Variants in NFE2L1 observed in about 807,000 individuals in gnomAD.
NFE2L1 encodes NFE2 like bZIP transcription factor 1.
NFE2L1 carries 18 observed loss-of-function variants against 61.6 expected under a neutral mutation model. The ratio of observed to expected loss-of-function variants is 0.29; its 90% CI spans 0.20 to 0.43. The LOEUF (loss-of-function observed/expected upper bound fraction) is 0.43, where lower values mean the gene tolerates loss of function less well. Among genes scored for constraint, NFE2L1 ranks in the 20% least tolerant of loss-of-function variants. NFE2L1 has a pLI of 1.00. For missense variants in NFE2L1, 827 were observed against 973.5 expected (o/e 0.85, Z 2.00); for synonymous variants, 419 against 402.7 (o/e 1.04, Z -0.48).
rs747025612 is a variant in NFE2L1, at chr17:48,058,353, C to G, written c.1031C>G (p.Pro344Arg). 1 of 1,613,744 alleles carries G rather than the reference C, an allele frequency of 6.2e-7. No homozygotes were observed. Among genetic ancestry groups the G allele is most frequent in the Non-Finnish European group, 8.5e-7 (1 of 1,179,888 alleles). ...EILYSAPPGD[P>R]LSTNYSLAPN... ...CTGTACAGTGCCCCTCCTGGAGACC[C>G]ACTGAGCACCAACTACAGCCTTGCC... Residue 344 changes from proline to arginine, a missense_variant, in exon 6 of 6, where the codon CCA (proline) becomes CGA (arginine). Around this residue, in one of 3 missense-constraint regions of NFE2L1, gnomAD observed 667 missense variants for 748.4 expected, o/e 0.89. Coordinates refer to ENST00000362042, the MANE Select transcript of NFE2L1 (RefSeq NM_003204.3).
chr17:48,050,132 G>T (rs2037211498), intron 1 of NFE2L1, among the ~76,000 whole-genome samples: 1 of 152,180 alleles, frequency 6.6e-6, no homozygotes, highest in South Asian at 2.1e-4. Context: ...ATGATCGGTT[G>T]CTATATTTTG....
Position 48,058,809 on chromosome 17 carries a change from GTTCTTCCTC to G in NFE2L1, c.1497_1505del (p.Ser507_Ser509del), listed in dbSNP as rs771198699. 2.0e-5 allele frequency: 32 copies of G among 1,614,114 alleles called. No individual in the cohort carries two copies. The highest frequency in any genetic ancestry group is 2.4e-5 in the Non-Finnish European group (28 of 1,180,026). Reference sequence around the variant, plus strand: ...TCTTCCCTAAGCAGCTCTGAAGGCAGTTCTTCCTCTTCTTCCTCCTCCTCTTCCTCTTCT... The same window carrying G: ...TCTTCCCTAAGCAGCTCTGAAGGCAGTTCTTCCTCCTCCTCTTCCTCTTCT... On this transcript the variant is annotated inframe_deletion, in exon 6 of 6. Transcript: ENST00000362042.
At position 48,057,513 on chromosome 17, in the gene NFE2L1, C is replaced by T. The variant is rs756510480; in HGVS notation, c.972+11C>T. 1.2e-5 allele frequency: 19 copies of T among 1,608,670 alleles called. No individual in the cohort carries two copies. The highest frequency in any genetic ancestry group is 2.2e-5 in the South Asian group (2 of 90,040). ...ATCATGGAAATGCAGGTAGGATTGT[C>T]GGAACCGGGCACAAACCTATTGGAT... On this transcript the variant is annotated intron_variant, in intron 5 of 5. Coordinates refer to ENST00000362042, the MANE Select transcript of NFE2L1 (RefSeq NM_003204.3).
Position 48,059,349 on chromosome 17 carries a change from T to C in NFE2L1, c.2027T>C (p.Leu676Pro), listed in dbSNP as rs2037488156. The part of the protein sequence containing the change: ...MAAQNCRKRK[L>P]DTILNLERDV... ...GCGCAGAACTGCCGCAAGCGCAAGC[T>C]GGACACCATCCTGAATCTGGAGCGT... The change falls in exon 6 of 6, where the codon CTG becomes CCG. Residue 676 changes from leucine (L) to proline (P), a missense_variant. By Grantham distance (98) the Leu-to-Pro change is moderately conservative (BLOSUM62 -3). This residue lies in a region of NFE2L1 where 74 missense variants were observed against 127.8 expected (regional missense o/e 0.58). Transcript: ENST00000362042. This position sits in a 1 kb window ranked among gnomAD's most constrained non-coding sequence, Gnocchi z 6.1. 6.2e-7 allele frequency: 1 copy of C among 1,614,052 alleles called. No homozygotes were observed. Among genetic ancestry groups the C allele is most frequent in the Admixed American group, 1.7e-5 (1 of 60,002 alleles).
In NFE2L1 at chr17:48,056,173, G is replaced by C. The variant is rs193127567; in HGVS notation, c.511-213G>C. 1,574 of 637,888 alleles carry C rather than the reference G, an allele frequency of 2.5e-3. 9 individuals carry two copies. Among genetic ancestry groups the C allele is most frequent in the Middle Eastern group, 0.02 (46 of 2,256 alleles). The allele number at this position is 637,888 out of a possible 1,614,324, so 39.5% of individuals were successfully genotyped here. A position where few individuals can be genotyped will look rare whatever the true frequency, so the allele number is the denominator to read the frequency against. On this transcript the variant is annotated intron_variant, in intron 2 of 5. Coordinates refer to ENST00000362042, the MANE Select transcript of NFE2L1 (RefSeq NM_003204.3). ...AGTCACACTAATGGTTTTGCTAGTG[G>C]CTCTTTTTTTTTGTGGGAAGGGGAT...
At position 48,059,425 on chromosome 17, in the gene NFE2L1, G is replaced by A. The variant is rs1172193673; in HGVS notation, c.2103G>A (p.Val701=). The A allele has an allele frequency of 1.2e-6, 2 of 1,614,242 alleles. No individual in the cohort carries two copies. The highest frequency in any genetic ancestry group is 1.1e-5 in the South Asian group (1 of 91,082). The change falls in exon 6 of 6, where the codon GTG becomes GTA. Residue 701 remains valine, a synonymous_variant. Coordinates refer to ENST00000362042, the MANE Select transcript of NFE2L1 (RefSeq NM_003204.3). The surrounding 1 kb of genome is among the most constrained non-coding windows in gnomAD (Gnocchi z 6.1). The part of the protein sequence containing the change: ...RDKARLLREK[V]EFLRSLRQMK... The stretch of plus-strand genomic sequence containing the variant: ...AAGCCCGGCTGCTGCGGGAGAAAGT[G>A]GAGTTCCTGCGCTCCCTGCGACAGA...
At position 48,051,100 on chromosome 17, in the gene NFE2L1, A is replaced by G. The variant is rs771384100; in HGVS notation, c.-19A>G. 1.1e-5 allele frequency: 18 copies of G among 1,614,146 alleles called. No individual in the cohort carries two copies. The highest frequency in any genetic ancestry group is 1.5e-5 in the Non-Finnish European group (18 of 1,180,016). ...AGATTTTAAAAACCAAAAAGCATAA[A>G]CATTCTGGTCCTTCAGCAATGCTTT... On this transcript the variant is annotated 5_prime_UTR_variant, in exon 2 of 6. Coordinates refer to ENST00000362042, the MANE Select transcript of NFE2L1 (RefSeq NM_003204.3).
intron 1 of NFE2L1, among the ~76,000 whole-genome samples, chr17:48,049,644 C>T (rs969524750): frequency 6.6e-6 from 1 of 152,228 alleles, no homozygotes; most frequent in South Asian, 2.1e-4. Flanking sequence ...CCGCCCTCCT[C>T]GGCCTCCCGA....
Position 48,057,488 on chromosome 17 carries a change from A to G in NFE2L1, c.958A>G (p.Ile320Val). 6.2e-7 allele frequency: 1 copy of G among 1,613,120 alleles called. No homozygotes were observed. Among genetic ancestry groups the G allele is most frequent in the Non-Finnish European group, 8.5e-7 (1 of 1,179,584 alleles). The change falls in exon 5 of 6, where the codon ATC (isoleucine) becomes GTC (valine). Residue 320 changes from isoleucine to valine, a missense_variant. This residue lies in a region of NFE2L1 where 667 missense variants were observed against 748.4 expected (regional missense o/e 0.89). Transcript: ENST00000362042. ...ACAGCAGTGGCAAGATCTCATGTCC[A>G]TCATGGAAATGCAGGTAGGATTGTC... Reference protein sequence around the residue: ...LEQQWQDLMSIMEMQAMEVNT... With the variant: ...LEQQWQDLMSVMEMQAMEVNT...
rs376571523 is a variant in NFE2L1 at position 48,056,453 on chromosome 17, A to G, written c.578A>G (p.Asp193Gly). Residue 193 changes from aspartate to glycine, a missense_variant, in exon 3 of 6, where the codon GAC becomes GGC. Coordinates refer to ENST00000362042, the MANE Select transcript of NFE2L1 (RefSeq NM_003204.3). ...CTGGGGGCTGGGCGTGAGGTTTTTG[A>G]CTATAGTCACCGCCAGAAGGAGCAG... ...IDLGAGREVF[D>G]YSHRQKEQDV... The G allele has an allele frequency of 1.2e-6, 2 of 1,613,966 alleles. No homozygotes were observed. The highest frequency in any genetic ancestry group is 1.3e-5 in the African/African-American group (1 of 74,878).
intron 3 of NFE2L1, 30 bp from the exon 4 acceptor site, chr17:48,057,002 C>A: frequency 6.2e-7 from 1 of 1,611,006 alleles, no homozygotes; most frequent in South Asian, 1.1e-5. Context: ...AGGCCCAGGT[C>A]AATCAGACTT....
At position 48,050,833 on chromosome 17, in the gene NFE2L1, G is replaced by C. The variant is rs573835576; in HGVS notation, c.-286G>C. The C allele has an allele frequency of 1.3e-3, 787 of 593,582 alleles. 3 individuals carry two copies. Among genetic ancestry groups the C allele is most frequent in the Middle Eastern group, 2.7e-3 (6 of 2,242 alleles). The allele number at this position is 593,582 out of a possible 1,614,324, so 36.8% of individuals were successfully genotyped here. On this transcript the variant is annotated 5_prime_UTR_variant, in exon 2 of 6. Coordinates refer to ENST00000362042, the MANE Select transcript of NFE2L1 (RefSeq NM_003204.3). ...ACTGTGGAGAAAGTAAGTCACGTGG[G>C]CCCTTGAGGACCTGGACTGGGTTAG...
rs1209629527 is a variant in NFE2L1 at position 48,048,419 on chromosome 17, C to T, written c.-556C>T. 6.6e-6 allele frequency: 1 copy of T among 152,654 alleles called. No individual in the cohort carries two copies. Among genetic ancestry groups the T allele is most frequent in the African/African-American group, 2.4e-5 (1 of 41,428 alleles). The allele number at this position is 152,654 out of a possible 1,614,324, so 9.5% of individuals were successfully genotyped here. The stretch of plus-strand genomic sequence containing the variant: ...GGCGGCGGCGAGGCCGGGACTCGGG[C>T]TTAGGGCCTGCTGTGGAGGCAGCGG... On this transcript the variant is annotated 5_prime_UTR_variant, in exon 1 of 6. Transcript: ENST00000362042.
intron 1 of NFE2L1, among the ~76,000 whole-genome samples, chr17:48,049,725 AAT>A: frequency 6.6e-6 from 1 of 152,296 alleles, no homozygotes. Context: ...AGGAAAGGGA[AAT>A]CAGATTTCAA....
rs148827257 is a variant in NFE2L1, at chr17:48,059,693, G to GCTGGAC, written c.*73_*78dup. The GCTGGAC allele has an allele frequency of 6.7e-4, 1,014 of 1,511,906 alleles. No individual in the cohort carries two copies. The highest frequency in any genetic ancestry group is 8.4e-4 in the Non-Finnish European group (957 of 1,136,338). The allele number at this position is 1,511,906 out of a possible 1,614,324, so 93.7% of individuals were successfully genotyped here. A position where few individuals can be genotyped will look rare whatever the true frequency, so the allele number is the denominator to read the frequency against. On this transcript the variant is annotated 3_prime_UTR_variant, in exon 6 of 6. Coordinates refer to ENST00000362042, the MANE Select transcript of NFE2L1 (RefSeq NM_003204.3). The surrounding 1 kb of genome is among the most constrained non-coding windows in gnomAD (Gnocchi z 6.1). ...CCACCAAGACCGAAACTGGAGAAGG[G>GCTGGAC]CTGGACCTGGACCTGGACCTGGACC...
Position 48,050,832 on chromosome 17 carries a change from G to A in NFE2L1, c.-287G>A. The A allele has an allele frequency of 1.7e-6, 1 of 593,274 alleles. No individual in the cohort carries two copies. Among genetic ancestry groups the A allele is most frequent in the Non-Finnish European group, 3.0e-6 (1 of 333,678 alleles). The allele number at this position is 593,274 out of a possible 1,614,324, so 36.8% of individuals were successfully genotyped here. A position where few individuals can be genotyped will look rare whatever the true frequency, so the allele number is the denominator to read the frequency against. On this transcript the variant is annotated 5_prime_UTR_variant, in exon 2 of 6. Coordinates refer to ENST00000362042, the MANE Select transcript of NFE2L1 (RefSeq NM_003204.3). ...GACTGTGGAGAAAGTAAGTCACGTG[G>A]GCCCTTGAGGACCTGGACTGGGTTA...
At chr17:48,055,584 G>A (rs568714574) in intron 2 of NFE2L1, among the ~76,000 whole-genome samples, 1 of 151,910 alleles carries the variant, frequency 6.6e-6, no homozygotes, top group Non-Finnish European at 1.5e-5. Flanking sequence ...GTATGGTGAG[G>A]GAATGAGAGC....
chr17:48,059,943 C>G lies in NFE2L1; in HGVS notation c.*302C>G, dbSNP rs2037506490. 2.9e-6 allele frequency: 1 copy of G among 341,620 alleles called. No homozygotes were observed. Among genetic ancestry groups the G allele is most frequent in the Non-Finnish European group, 5.3e-6 (1 of 189,826 alleles). The allele number at this position is 341,620 out of a possible 1,614,324, so 21.2% of individuals were successfully genotyped here. ...GTAGAGGAGCTATGTGGAGCAAAGG[C>G]CGACAGAGGGGAAGGAATGGACCTG... On this transcript the variant is annotated 3_prime_UTR_variant, in exon 6 of 6. Transcript: ENST00000362042. This position sits in a 1 kb window ranked among gnomAD's most constrained non-coding sequence, Gnocchi z 6.1.
At chr17:48,058,211 G>A in intron 5 of NFE2L1, 84 bp from the exon 6 acceptor site, 1 of 1,495,970 alleles carries the variant, frequency 6.7e-7, no homozygotes, top group Non-Finnish European at 8.9e-7. Flanking sequence ...ATGCAGCTGT[G>A]CCTCTGTTGG....
Sources: allele counts gnomAD v4.1 joint callset (sites outside exome capture counted in the v4.1 genomes callset), GRCh38; gene constraint gnomAD v4.1.1; regional missense constraint gnomAD v4.1.1; non-coding constraint Gnocchi (gnomAD v3.1); transcripts MANE v1.5; gene names NCBI Gene and HGNC (gene_info 2026-07-23, HGNC 2026-07-21).